FAM43A: variants seen among roughly 807,000 people sequenced by gnomAD.
FAM43A encodes family with sequence similarity 43 member A, also known as protein FAM43A.
In FAM43A, 11 loss-of-function variants were observed where a neutral mutation model predicts 15.7. That is an observed-to-expected ratio of 0.70 (90% CI 0.44 to 1.16). The LOEUF (loss-of-function observed/expected upper bound fraction) is 1.16, where lower values mean the gene tolerates loss of function less well. Ranked by LOEUF, FAM43A falls within the 50% of genes most tolerant of loss-of-function variation. The pLI is 0.00. For synonymous variants in FAM43A, 319 were observed against 291.7 expected, an observed-to-expected ratio of 1.09 and a Z score of -0.96; for missense variants, 573 against 620.0, an observed-to-expected ratio of 0.92 and a Z score of 0.80.
chr3:194,688,611 T>C lies in FAM43A; in HGVS notation c.*513T>C, dbSNP rs1325242834. ...CCTTGGTTCTTTTTGGTGCAAGAAT[T>C]CTGGCTGTTTACCTCAGACTCAGAC... On this transcript the variant is annotated 3_prime_UTR_variant, in exon 1 of 1. Transcript: ENST00000329759. 1 of 167,002 alleles carries C rather than the reference T, an allele frequency of 6.0e-6. No individual in the cohort carries two copies. The highest frequency in any genetic ancestry group is 2.4e-5 in the African/African-American group (1 of 41,410). The allele number at this position is 167,002 out of a possible 1,614,324, so 10.3% of individuals were successfully genotyped here. A position where few individuals can be genotyped will look rare whatever the true frequency, so the allele number is the denominator to read the frequency against.
Position 194,688,102 on chromosome 3 carries a change from C to T in FAM43A, c.*4C>T. The T allele has an allele frequency of 1.5e-6, 2 of 1,333,488 alleles. No homozygotes were observed. The highest frequency in any genetic ancestry group is 1.5e-5 in the African/African-American group (1 of 65,898). The allele number at this position is 1,333,488 out of a possible 1,614,324, so 82.6% of individuals were successfully genotyped here. On this transcript the variant is annotated 3_prime_UTR_variant, in exon 1 of 1. Transcript: ENST00000329759. ...AGACGAGCCCCACTCGGGCTGAGCT[C>T]CTCCGCGCGTCGCCGGCGCTCCACC... is the stretch of plus-strand genomic sequence containing the variant.
rs1272564983 is a variant in FAM43A at position 194,687,795 on chromosome 3, G to A, written c.969G>A (p.Glu323=). The A allele has an allele frequency of 2.1e-6, 3 of 1,457,468 alleles. No homozygotes were observed. The highest frequency in any genetic ancestry group is 2.5e-5 in the East Asian group (1 of 39,772). The allele number at this position is 1,457,468 out of a possible 1,614,324, so 90.3% of individuals were successfully genotyped here. The change falls in exon 1 of 1, where the codon GAG becomes GAA. Residue 323 remains glutamate (E), a synonymous_variant. Coordinates refer to ENST00000329759, the MANE Select transcript of FAM43A (RefSeq NM_153690.5). Reference sequence around the variant, plus strand: ...ATACTCTGGAGAATGGCCGTGGGGAGGCGCTAGGAGGCGGCGGGGGCTCCC... The same window carrying A: ...ATACTCTGGAGAATGGCCGTGGGGAAGCGCTAGGAGGCGGCGGGGGCTCCC... ...LLDTLENGRG[E]ALGGGGGSLG... is the part of the protein sequence containing the mutation.
rs145179553 is a variant in FAM43A at position 194,687,699 on chromosome 3, A to G, written c.873A>G (p.Pro291=). 1.0e-5 allele frequency: 16 copies of G among 1,562,706 alleles called. No individual in the cohort carries two copies. The African/African-American group carries it at 1.8e-4, about 17-fold the overall frequency. ...AGAACCGTGCGGCAGAGGGAGATCC[A>G]GCAGAGGAGGAGGCCGAGGCGCAGC... ...EEENRAAEGD[P]AEEEAEAQRA... is the part of the protein sequence containing the mutation. The change falls in exon 1 of 1, where the codon CCA becomes CCG. Residue 291 remains proline, a synonymous_variant. Transcript: ENST00000329759.
At position 194,687,901 on chromosome 3, in the gene FAM43A, G is replaced by T. The variant is rs778545254; in HGVS notation, c.1075G>T (p.Asp359Tyr). 6.8e-7 allele frequency: 1 copy of T among 1,466,912 alleles called. No homozygotes were observed. Among genetic ancestry groups the T allele is most frequent in the East Asian group, 2.5e-5 (1 of 40,136 alleles). 90.9% of individuals were successfully genotyped at this position (1,466,912 alleles called of 1,614,324 possible). Residue 359 changes from aspartate (D) to tyrosine (Y), a missense_variant, in exon 1 of 1, where the codon GAC (aspartate) becomes TAC (tyrosine). Transcript: ENST00000329759. ...GGCTGAGCTGTCGCAACTTATTAGC[G>T]ACCTGGGCGAGCTCAGCTTCGGCAA... ...MKAELSQLIS[D>Y]LGELSFGNDV...
Position 194,687,332 on chromosome 3 carries a change from G to C in FAM43A, c.506G>C (p.Arg169Pro). The C allele has an allele frequency of 6.5e-7, 1 of 1,545,872 alleles. No individual in the cohort carries two copies. The highest frequency in any genetic ancestry group is 8.7e-7 in the Non-Finnish European group (1 of 1,151,656). The change falls in exon 1 of 1, where the codon CGC becomes CCC. Residue 169 changes from arginine to proline, a missense_variant. Transcript: ENST00000329759. The stretch of plus-strand genomic sequence containing the variant: ...CTGAAGCACAAGGCCGTGATGCTGC[G>C]CTGCCACGCCGTGCTGGTGTCCAAG... ...HELKHKAVML[R>P]CHAVLVSKPE... is the part of the protein sequence containing the mutation.
Position 194,687,778 on chromosome 3 carries a change from G to C in FAM43A, c.952G>C (p.Glu318Gln), listed in dbSNP as rs1433558465. The C allele has an allele frequency of 1.3e-6, 2 of 1,494,610 alleles. No homozygotes were observed. The highest frequency in any genetic ancestry group is 9.0e-7 in the Non-Finnish European group (1 of 1,116,010). The allele number at this position is 1,494,610 out of a possible 1,614,324, so 92.6% of individuals were successfully genotyped here. Residue 318 changes from glutamate (E) to glutamine (Q), a missense_variant, in exon 1 of 1, where the codon GAG (glutamate) becomes CAG (glutamine). By Grantham distance (29) the Glu-to-Gln change is conservative. Transcript: ENST00000329759. The stretch of plus-strand genomic sequence containing the variant: ...GTGCGGGGACTTGTTGGATACTCTG[G>C]AGAATGGCCGTGGGGAGGCGCTAGG... ...FECGDLLDTL[E>Q]NGRGEALGGG... is the part of the protein sequence containing the mutation.
rs1375469337 is a variant in FAM43A, at chr3:194,688,461, A to G, written c.*363A>G. On this transcript the variant is annotated 3_prime_UTR_variant, in exon 1 of 1. Coordinates refer to ENST00000329759, the MANE Select transcript of FAM43A (RefSeq NM_153690.5). ...CTGTTTGTGGGGCAGCTGGGGCCTG[A>G]GGAGGAGGGGTTCACTTCCTCCTCC... The G allele has an allele frequency of 4.3e-5, 9 of 209,726 alleles. No homozygotes were observed. The highest frequency in any genetic ancestry group is 9.3e-5 in the Non-Finnish European group (9 of 97,094). The allele number at this position is 209,726 out of a possible 1,614,324, so 13.0% of individuals were successfully genotyped here. A position where few individuals can be genotyped will look rare whatever the true frequency, so the allele number is the denominator to read the frequency against.
chr3:194,688,434 T>G lies in FAM43A; in HGVS notation c.*336T>G. The G allele has an allele frequency of 4.1e-6, 1 of 242,944 alleles. No homozygotes were observed. 15.0% of individuals were successfully genotyped at this position (242,944 alleles called of 1,614,324 possible). A position where few individuals can be genotyped will look rare whatever the true frequency, so the allele number is the denominator to read the frequency against. ...TCAGGCCGTAGGTGCCTGGCCAGTTTCCTGTTTGTGGGGCAGCTGGGGCCT... is the reference window on the plus strand; with the variant it reads ...TCAGGCCGTAGGTGCCTGGCCAGTTGCCTGTTTGTGGGGCAGCTGGGGCCT... On this transcript the variant is annotated 3_prime_UTR_variant, in exon 1 of 1. Coordinates refer to ENST00000329759, the MANE Select transcript of FAM43A (RefSeq NM_153690.5).
rs996502411 is a variant in FAM43A, at chr3:194,686,482, G to A, written c.-345G>A. 1.7e-4 allele frequency: 38 copies of A among 218,012 alleles called. No individual in the cohort carries two copies. The highest frequency in any genetic ancestry group is 1.8e-4 in the South Asian group (1 of 5,628). The allele number at this position is 218,012 out of a possible 1,614,324, so 13.5% of individuals were successfully genotyped here. A position where few individuals can be genotyped will look rare whatever the true frequency, so the allele number is the denominator to read the frequency against. Reference sequence around the variant, plus strand: ...TCCTGACATTTTCCACTCTACGCTCGTTCTTTCTCCCTTGCATTTTGTTGC... The same window carrying A: ...TCCTGACATTTTCCACTCTACGCTCATTCTTTCTCCCTTGCATTTTGTTGC... On this transcript the variant is annotated 5_prime_UTR_variant, in exon 1 of 1. Coordinates refer to ENST00000329759, the MANE Select transcript of FAM43A (RefSeq NM_153690.5).
At position 194,687,955 on chromosome 3, in the gene FAM43A, C is replaced by G. The variant is rs768030556; in HGVS notation, c.1129C>G (p.Arg377Gly). Reference protein sequence around the residue: ...NDVRTLQADLRVTRLLSGDST... With the variant: ...NDVRTLQADLGVTRLLSGDST... ...CGTGCGCACCCTGCAGGCCGACTTGCGGGTGACGCGCCTGCTGTCAGGCGA... is the reference window on the plus strand; with the variant it reads ...CGTGCGCACCCTGCAGGCCGACTTGGGGGTGACGCGCCTGCTGTCAGGCGA... The change falls in exon 1 of 1, where the codon CGG (arginine) becomes GGG (glycine). Residue 377 changes from arginine (R) to glycine (G), a missense_variant. Arg to Gly is a moderately radical substitution (Grantham distance 125). Coordinates refer to ENST00000329759, the MANE Select transcript of FAM43A (RefSeq NM_153690.5). 4.9e-6 allele frequency: 7 copies of G among 1,431,524 alleles called. No homozygotes were observed. In the African/African-American group the frequency reaches 7.5e-5, roughly 15 times the overall value. The allele number at this position is 1,431,524 out of a possible 1,614,324, so 88.7% of individuals were successfully genotyped here.
rs777326075 is a variant in FAM43A, at chr3:194,687,872, T to C, written c.1046T>C (p.Met349Thr). ...CTGCTGCTGGGCAGCGCCTCCGACA[T>C]GAAGGCTGAGCTGTCGCAACTTATT... Reference protein sequence around the residue: ...PPLLLGSASDMKAELSQLISD... With the variant: ...PPLLLGSASDTKAELSQLISD... The change falls in exon 1 of 1, where the codon ATG (methionine) becomes ACG (threonine). Residue 349 changes from methionine to threonine, a missense_variant. Transcript: ENST00000329759. The C allele has an allele frequency of 2.0e-6, 3 of 1,467,154 alleles. No homozygotes were observed. The highest frequency in any genetic ancestry group is 1.5e-5 in the South Asian group (1 of 68,748). 90.9% of individuals were successfully genotyped at this position (1,467,154 alleles called of 1,614,324 possible).
Position 194,688,042 on chromosome 3 carries a change from G to T in FAM43A, c.1216G>T (p.Gly406Trp). The change falls in exon 1 of 1, where the codon GGG becomes TGG. Residue 406 changes from glycine (G) to tryptophan (W), a missense_variant. Coordinates refer to ENST00000329759, the MANE Select transcript of FAM43A (RefSeq NM_153690.5). ...CCCTGACGCCACCTCCGCCACCGCCGGGGACTCGTCCCGCCAGGCCGACGG... is the reference window on the plus strand; with the variant it reads ...CCCTGACGCCACCTCCGCCACCGCCTGGGACTCGTCCCGCCAGGCCGACGG... ...GGPDATSATA[G>W]DSSRQADGAS... 7.1e-7 allele frequency: 1 copy of T among 1,415,578 alleles called. No homozygotes were observed. 87.7% of individuals were successfully genotyped at this position (1,415,578 alleles called of 1,614,324 possible).
Position 194,688,024 on chromosome 3 carries a change from G to A in FAM43A, c.1198G>A (p.Ala400Thr). The change falls in exon 1 of 1, where the codon GCC becomes ACC. Residue 400 changes from alanine to threonine, a missense_variant. By Grantham distance (58) the Ala-to-Thr change is moderately conservative. Transcript: ENST00000329759. ...CTCCATCGAGGGCGGGGGCCCTGACGCCACCTCCGCCACCGCCGGGGACTC... is the reference window on the plus strand; with the variant it reads ...CTCCATCGAGGGCGGGGGCCCTGACACCACCTCCGCCACCGCCGGGGACTC... ...ESSIEGGGPD[A>T]TSATAGDSSR... 4 of 1,419,576 alleles carry A rather than the reference G, an allele frequency of 2.8e-6. No homozygotes were observed. The highest frequency in any genetic ancestry group is 2.7e-5 in the East Asian group (1 of 36,550). 87.9% of individuals were successfully genotyped at this position (1,419,576 alleles called of 1,614,324 possible).
chr3:194,687,309 G>A lies in FAM43A; in HGVS notation c.483G>A (p.Leu161=), dbSNP rs1719440373. The A allele has an allele frequency of 2.6e-6, 4 of 1,559,900 alleles. No individual in the cohort carries two copies. Among genetic ancestry groups the A allele is most frequent in the Non-Finnish European group, 3.4e-6 (4 of 1,159,644 alleles). ...KVFAWVYRHE[L]KHKAVMLRCH... ...TCGCCTGGGTGTACCGGCACGAGCT[G>A]AAGCACAAGGCCGTGATGCTGCGCT... Residue 161 remains leucine (L), a synonymous_variant, in exon 1 of 1, where the codon CTG becomes CTA. Coordinates refer to ENST00000329759, the MANE Select transcript of FAM43A (RefSeq NM_153690.5).
In FAM43A at chr3:194,687,935, G is replaced by T. The variant is rs768431896; in HGVS notation, c.1109G>T (p.Arg370Leu). 2 of 1,459,458 alleles carry T rather than the reference G, an allele frequency of 1.4e-6. No homozygotes were observed. Among genetic ancestry groups the T allele is most frequent in the Non-Finnish European group, 1.8e-6 (2 of 1,105,912 alleles). The allele number at this position is 1,459,458 out of a possible 1,614,324, so 90.4% of individuals were successfully genotyped here. A position where few individuals can be genotyped will look rare whatever the true frequency, so the allele number is the denominator to read the frequency against. ...LGELSFGNDV[R>L]TLQADLRVTR... ...GAGCTCAGCTTCGGCAACGACGTGCGCACCCTGCAGGCCGACTTGCGGGTG... is the reference window on the plus strand; with the variant it reads ...GAGCTCAGCTTCGGCAACGACGTGCTCACCCTGCAGGCCGACTTGCGGGTG... Residue 370 changes from arginine to leucine, a missense_variant, in exon 1 of 1, where the codon CGC becomes CTC. Physicochemically the swap from Arg to Leu is moderately radical, Grantham distance 102 (BLOSUM62 -2). Coordinates refer to ENST00000329759, the MANE Select transcript of FAM43A (RefSeq NM_153690.5).
chr3:194,688,194 G>A lies in FAM43A; in HGVS notation c.*96G>A. On this transcript the variant is annotated 3_prime_UTR_variant, in exon 1 of 1. Transcript: ENST00000329759. ...GCCCGCCCCCAGGAAGGGGGAAATG[G>A]GGCATTTGGGGCCCAGACCTACACT... 1 of 1,217,328 alleles carries A rather than the reference G, an allele frequency of 8.2e-7. No individual in the cohort carries two copies. The highest frequency in any genetic ancestry group is 1.6e-5 in the African/African-American group (1 of 63,684). 75.4% of individuals were successfully genotyped at this position (1,217,328 alleles called of 1,614,324 possible).
chr3:194,688,337 A>T lies in FAM43A; in HGVS notation c.*239A>T. On this transcript the variant is annotated 3_prime_UTR_variant, in exon 1 of 1. Coordinates refer to ENST00000329759, the MANE Select transcript of FAM43A (RefSeq NM_153690.5). ...ATGCGGGGAGATTTGAGAGGGGAAA[A>T]CCCCGCCAGGAGGGAGAGAGAGGCA... The T allele has an allele frequency of 2.4e-6, 1 of 422,642 alleles. No individual in the cohort carries two copies. Among genetic ancestry groups the T allele is most frequent in the Non-Finnish European group, 4.2e-6 (1 of 240,802 alleles). The allele number at this position is 422,642 out of a possible 1,614,324, so 26.2% of individuals were successfully genotyped here. A position where few individuals can be genotyped will look rare whatever the true frequency, so the allele number is the denominator to read the frequency against.
At position 194,687,176 on chromosome 3, in the gene FAM43A, G is replaced by A. The variant is rs1560236543; in HGVS notation, c.350G>A (p.Gly117Asp). Residue 117 changes from glycine to aspartate, a missense_variant, in exon 1 of 1, where the codon GGT becomes GAT. Coordinates refer to ENST00000329759, the MANE Select transcript of FAM43A (RefSeq NM_153690.5). ...ATGAAGCTGACGGTGAGTGCGCAGGGTATCCGCATGGTGCACGCCGAGGAG... is the reference window on the plus strand; with the variant it reads ...ATGAAGCTGACGGTGAGTGCGCAGGATATCCGCATGGTGCACGCCGAGGAG... ...TKMKLTVSAQ[G>D]IRMVHAEERA... 6.2e-7 allele frequency: 1 copy of A among 1,610,678 alleles called. No homozygotes were observed.
rs5855590 is a variant in FAM43A at position 194,688,528 on chromosome 3, TA to T, written c.*445del. ...CCCTGCGCTGTCACTGACATCTCAT[TA>T]AAAAAAAAAAAAAATTTGCTCTCAA... On this transcript the variant is annotated 3_prime_UTR_variant, in exon 1 of 1. Coordinates refer to ENST00000329759, the MANE Select transcript of FAM43A (RefSeq NM_153690.5). 2.6e-3 allele frequency: 418 copies of T among 159,902 alleles called. No homozygotes were observed. Among genetic ancestry groups the T allele is most frequent in the East Asian group, 1.8e-3 (9 of 4,970 alleles). 9.9% of individuals were successfully genotyped at this position (159,902 alleles called of 1,614,324 possible).
Sources: allele counts gnomAD v4.1 joint callset, GRCh38; gene constraint gnomAD v4.1.1; transcripts MANE v1.5; gene names NCBI Gene and HGNC (gene_info 2026-07-23, HGNC 2026-07-21).